The following TIMM17A variants were observed in gnomAD, a reference collection of about 807,000 sequenced individuals.
TIMM17A encodes translocase of inner mitochondrial membrane 17A, also known as mitochondrial import inner membrane translocase subunit Tim17-A.
TIMM17A carries 15 observed loss-of-function variants against 26.5 expected under a neutral mutation model. The ratio of observed to expected loss-of-function variants is 0.57; its 90% CI spans 0.38 to 0.87. TIMM17A has a LOEUF of 0.87. TIMM17A is among the 40% of genes least tolerant of loss of function. The pLI is 0.00. For synonymous variants in TIMM17A, 80 were observed against 70.8 expected, an observed-to-expected ratio of 1.13 and a Z score of -0.66; for missense variants, 201 against 210.0, an observed-to-expected ratio of 0.96 and a Z score of 0.27.
intron 5 of TIMM17A, among the ~76,000 whole-genome samples, chr1:201,967,939 AG>A (rs200907052): frequency 0.024 from 3,635 of 152,260 alleles, 66 homozygotes; most frequent in Non-Finnish European, 0.032. Context: ...AAAGCTGTGT[AG>A]GGGGGAAATC....
At chr1:201,956,527 T>C (rs758951895) in intron 1 of TIMM17A, among the ~76,000 whole-genome samples, 6 of 152,232 alleles carry the variant, frequency 3.9e-5, no homozygotes, top group South Asian at 2.1e-4. Flanking sequence ...TTCAAACTTA[T>C]CTTCTTCAAA....
rs779592662 is a variant in TIMM17A, at chr1:201,955,561, C to T, written c.26+9C>T. ...TACGCGCGAGAGCCTTGGTGAGCTT[C>T]ACCGCTGTCTTTGCATTTCTCTTGC... On this transcript the variant is annotated intron_variant, in intron 1 of 5. Transcript: ENST00000367287. The T allele has an allele frequency of 1.2e-6, 2 of 1,614,264 alleles. No individual in the cohort carries two copies. Among genetic ancestry groups the T allele is most frequent in the South Asian group, 1.1e-5 (1 of 91,090 alleles).
chr1:201,965,573 A>T, intron 5 of TIMM17A, 30 bp downstream of exon 5: 1 of 1,376,126 alleles, frequency 7.3e-7, no homozygotes, highest in Non-Finnish European at 1.0e-6. Flanking sequence ...ACTATAGCTC[A>T]AACATTTTGG....
At chr1:201,960,505 T>G (rs1349569761) in intron 3 of TIMM17A, among the ~76,000 whole-genome samples, 1 of 152,214 alleles carries the variant, frequency 6.6e-6, no homozygotes, top group Non-Finnish European at 1.5e-5. Context: ...AGTTTATTTT[T>G]TCTTACAAAG....
rs1435851688 is a variant in TIMM17A, at chr1:201,955,541, G to C, written c.15G>C (p.Ala5=). 1.9e-6 allele frequency: 3 copies of C among 1,614,136 alleles called. No homozygotes were observed. The highest frequency in any genetic ancestry group is 2.5e-6 in the Non-Finnish European group (3 of 1,180,062). The change falls in exon 1 of 6, where the codon GCG becomes GCC. Residue 5 remains alanine (A), a synonymous_variant. Transcript: ENST00000367287. The part of the protein sequence containing the change: MEEY[A]REPCPWRIVD... ...TTGGAGTCAAGATGGAGGAGTACGC[G>C]CGAGAGCCTTGGTGAGCTTCACCGC...
At chr1:201,967,641 C>T (rs1370279835) in intron 5 of TIMM17A, among the ~76,000 whole-genome samples, 1 of 151,820 alleles carries the variant, frequency 6.6e-6, no homozygotes, top group Non-Finnish European at 1.5e-5. Context: ...CTCCTGGGCT[C>T]AGGCGATCCT....
Position 201,969,570 on chromosome 1 carries a change from A to G in TIMM17A, c.*16A>G, listed in dbSNP as rs1682696067. 1.3e-6 allele frequency: 2 copies of G among 1,597,990 alleles called. No individual in the cohort carries two copies. The highest frequency in any genetic ancestry group is 1.3e-5 in the African/African-American group (1 of 74,606). Reference sequence around the variant, plus strand: ...ATATCAGTAGGACTTCTTTCCTAGGATTTCTTTAACAGAACGAGTTGTGGT... The same window carrying G: ...ATATCAGTAGGACTTCTTTCCTAGGGTTTCTTTAACAGAACGAGTTGTGGT... On this transcript the variant is annotated 3_prime_UTR_variant, in exon 6 of 6. Coordinates refer to ENST00000367287, the MANE Select transcript of TIMM17A (RefSeq NM_006335.3).
chr1:201,961,531 A>G (rs563040964), intron 3 of TIMM17A, among the ~76,000 whole-genome samples: 2 of 152,206 alleles, frequency 1.3e-5, no homozygotes, highest in East Asian at 3.9e-4. Context: ...CCATTTCTCC[A>G]AAGAGCCCCA....
chr1:201,968,671 G>T (rs1182748885), intron 5 of TIMM17A, among the ~76,000 whole-genome samples: 1 of 152,034 alleles, frequency 6.6e-6, no homozygotes, highest in Admixed American at 6.6e-5. Flanking sequence ...ACCGCACCCG[G>T]CCCCAGCTTA....
At chr1:201,955,989 G>A (rs1260558389) in intron 1 of TIMM17A, among the ~76,000 whole-genome samples, 1 of 152,142 alleles carries the variant, frequency 6.6e-6, no homozygotes, top group Non-Finnish European at 1.5e-5. Context: ...CATTCTTGAG[G>A]TTTTACTTGT....
At chr1:201,959,970 C>T (rs1244311335) in intron 3 of TIMM17A, among the ~76,000 whole-genome samples, 1 of 151,632 alleles carries the variant, frequency 6.6e-6, no homozygotes. Context: ...CACTGTACTC[C>T]AGCCAGGGTG....
intron 2 of TIMM17A, 30 bp downstream of exon 2, chr1:201,957,410 T>A: frequency 6.3e-7 from 1 of 1,597,578 alleles, no homozygotes; most frequent in Non-Finnish European, 8.6e-7. Context: ...TATTTTATCA[T>A]CACTTGCAAC....
Position 201,969,637 on chromosome 1 carries a change from A to G in TIMM17A, c.*83A>G. 1 of 1,242,032 alleles carries G rather than the reference A, an allele frequency of 8.1e-7. No homozygotes were observed. The highest frequency in any genetic ancestry group is 1.2e-6 in the Non-Finnish European group (1 of 848,548). The allele number at this position is 1,242,032 out of a possible 1,614,324, so 76.9% of individuals were successfully genotyped here. A position where few individuals can be genotyped will look rare whatever the true frequency, so the allele number is the denominator to read the frequency against. ...AAGATCAAGTTACAGTCTGTTTTTA[A>G]AACCATAGGTGGGACAGCTATGGCC... On this transcript the variant is annotated 3_prime_UTR_variant, in exon 6 of 6. Transcript: ENST00000367287.
intron 5 of TIMM17A, among the ~76,000 whole-genome samples, chr1:201,965,890 G>A (rs1682616203): frequency 2.0e-5 from 3 of 152,224 alleles, no homozygotes; most frequent in Admixed American, 2.0e-4. Flanking sequence ...CTACATGCCA[G>A]ACACTGTTTT....
Position 201,969,605 on chromosome 1 carries a change from A to G in TIMM17A, c.*51A>G. On this transcript the variant is annotated 3_prime_UTR_variant, in exon 6 of 6. Transcript: ENST00000367287. ...CAGAACGAGTTGTGGTTCGAGAAGG[A>G]TTTCAGAAGATCAAGTTACAGTCTG... 6.8e-7 allele frequency: 1 copy of G among 1,460,426 alleles called. No homozygotes were observed. The allele number at this position is 1,460,426 out of a possible 1,614,324, so 90.5% of individuals were successfully genotyped here. A position where few individuals can be genotyped will look rare whatever the true frequency, so the allele number is the denominator to read the frequency against.
chr1:201,960,855 G>C (rs1374764380), intron 3 of TIMM17A, among the ~76,000 whole-genome samples: 1 of 151,546 alleles, frequency 6.6e-6, no homozygotes, highest in Non-Finnish European at 1.5e-5. Context: ...TTCAAGTGAT[G>C]CTCCCACCTC....
At chr1:201,965,841 A>G (rs1682615550) in intron 5 of TIMM17A, among the ~76,000 whole-genome samples, 1 of 152,220 alleles carries the variant, frequency 6.6e-6, no homozygotes, top group African/African-American at 2.4e-5. Flanking sequence ...CAGATGTATA[A>G]CAATCATGAT....
At chr1:201,959,710 C>T (rs567279196) in intron 3 of TIMM17A, among the ~76,000 whole-genome samples, 1 of 152,066 alleles carries the variant, frequency 6.6e-6, no homozygotes, top group East Asian at 1.9e-4. Context: ...CGCGGTGGCT[C>T]ACGACTGTAA....
intron 1 of TIMM17A, among the ~76,000 whole-genome samples, chr1:201,957,054 C>T (rs996744596): frequency 6.6e-6 from 1 of 151,512 alleles, no homozygotes; most frequent in African/African-American, 2.4e-5. Context: ...TGCCCTGAAA[C>T]AATATAATCA....
Sources: gnomAD v4.1 joint callset for allele counts (sites outside exome capture counted in the v4.1 genomes callset) on GRCh38, gnomAD v4.1.1 for gene constraint, MANE v1.5 for transcripts, NCBI Gene and HGNC (gene_info 2026-07-23, HGNC 2026-07-21) for gene names.